The following ARSH variants were observed in gnomAD, a reference collection of about 807,000 sequenced individuals.
ARSH encodes arylsulfatase H.
Under a neutral mutation model 28.7 loss-of-function variants are expected in ARSH, and 32 were observed. That is an observed-to-expected ratio of 1.11 (90% CI 0.84 to 1.50). The LOEUF (loss-of-function observed/expected upper bound fraction) is 1.50, where lower values mean the gene tolerates loss of function less well. Among genes scored for constraint, ARSH ranks in the 40% most tolerant of loss-of-function variants. ARSH has a pLI of 0.00. For synonymous variants in ARSH, 176 were observed against 177.3 expected (o/e 0.99, Z 0.06); for missense variants, 440 against 452.4 (o/e 0.97, Z 0.25).
chrX:3,024,357 G>A (rs772832290), intron 6 of ARSH, among the ~76,000 whole-genome samples: 9 of 109,590 alleles, frequency 8.2e-5, no homozygotes, highest in Admixed American at 2.0e-4. Flanking sequence ...TTGAAGCAAC[G>A]CCAACCCCAG....
At chrX:3,013,923 C>T (rs917678321) in intron 3 of ARSH, among the ~76,000 whole-genome samples, 3 of 111,456 alleles carry the variant, frequency 2.7e-5, no homozygotes, top group Non-Finnish European at 5.6e-5. Context: ...CATTAGAGCA[C>T]GGGATTCAGA....
chrX:3,008,465 CTTTCTTTCT>C (rs1488516469), intron 1 of ARSH, among the ~76,000 whole-genome samples: 1 of 84,968 alleles, frequency 1.2e-5, no homozygotes, highest in Non-Finnish European at 2.3e-5. Context: ...TTCTTTCTTT[CTTTCTTTCT>C]TTCTTTCTTT....
chrX:3,008,054 G>A (rs1569121683), intron 1 of ARSH, among the ~76,000 whole-genome samples: 1 of 112,008 alleles, frequency 8.9e-6, no homozygotes, highest in Non-Finnish European at 1.9e-5. Flanking sequence ...AGGAATTTGG[G>A]AGGGACACAA....
chrX:3,007,933 A>G (rs906668207), intron 1 of ARSH, among the ~76,000 whole-genome samples: 1 of 111,350 alleles, frequency 9.0e-6, no homozygotes, highest in Non-Finnish European at 1.9e-5. Flanking sequence ...CCCCAGTCCT[A>G]TTGGATAAGG....
intron 5 of ARSH, among the ~76,000 whole-genome samples, chrX:3,020,011 C>T (rs1418641960): frequency 9.1e-6 from 1 of 109,362 alleles, no homozygotes; most frequent in African/African-American, 3.3e-5. Context: ...AGGGGCCAGG[C>T]GTGGTGGCTC....
rs1446765120 is a variant in ARSH at position 3,012,599 on chromosome X, A to T, written c.215-448A>T. Among the ~76,000 whole-genome samples the T allele has an allele frequency of 1.8e-3, 52 of 29,525 alleles. 7 individuals are homozygous for T. In the South Asian group the frequency reaches 0.11, roughly 62 times the overall value. 25.6% of individuals were successfully genotyped at this position (29,525 alleles called of 115,157 possible). A position where few individuals can be genotyped will look rare whatever the true frequency, so the allele number is the denominator to read the frequency against. Reference sequence around the variant, plus strand: ...TATATATATATATATATATATATATAATATATATATGTATGTGTATATACA... The same window carrying T: ...TATATATATATATATATATATATATTATATATATATGTATGTGTATATACA... On this transcript the variant is annotated intron_variant, in intron 2 of 8. Transcript: ENST00000381130.
At chrX:3,023,104 G>A (rs369703159) in intron 5 of ARSH, among the ~76,000 whole-genome samples, 1 of 102,059 alleles carries the variant, frequency 9.8e-6, no homozygotes, top group East Asian at 3.0e-4. Context: ...TTTATATATT[G>A]TATATGAACT....
At chrX:3,010,508 C>T (rs970279170) in intron 2 of ARSH, among the ~76,000 whole-genome samples, 3 of 111,401 alleles carry the variant, frequency 2.7e-5, no homozygotes, top group African/African-American at 9.8e-5. Context: ...ATCAAATCCA[C>T]CTCTGTGGAT....
chrX:3,029,922 C>G, intron 8 of ARSH, among the ~76,000 whole-genome samples: 1 of 111,199 alleles, frequency 9.0e-6, no homozygotes. Context: ...AAAATAGAGA[C>G]AAGATCTTAC....
intron 8 of ARSH, 147 bp downstream of exon 8, chrX:3,029,515 T>G: frequency 1.6e-6 from 1 of 610,000 alleles, no homozygotes. Context: ...AACAGTGCAC[T>G]GCAGTAGGAT....
In ARSH at chrX:3,014,950, C is replaced by T; in HGVS notation, c.341-20C>T. 3 of 1,197,387 alleles carry T rather than the reference C, an allele frequency of 2.5e-6. No homozygotes were observed. The highest frequency in any genetic ancestry group is 3.0e-5 in the East Asian group (1 of 33,710). ...TGAATGCTGCCATGCTGCCATGGTA[C>T]GATTTTATTTTACTTTTAGGCAAAT... On this transcript the variant is annotated intron_variant, in intron 3 of 8. Coordinates refer to ENST00000381130, the MANE Select transcript of ARSH (RefSeq NM_001011719.2).
intron 4 of ARSH, among the ~76,000 whole-genome samples, chrX:3,017,006 G>T (rs1279637670): frequency 2.7e-5 from 3 of 110,553 alleles, no homozygotes; most frequent in African/African-American, 9.9e-5. Context: ...ACTCCACCAG[G>T]CTGAAGGGTA....
At position 3,033,502 on chromosome X, in the gene ARSH, T is replaced by A; in HGVS notation, c.*117T>A. 1 of 814,361 alleles carries A rather than the reference T, an allele frequency of 1.2e-6. No individual in the cohort carries two copies. Among genetic ancestry groups the A allele is most frequent in the Non-Finnish European group, 1.7e-6 (1 of 598,315 alleles). The allele number at this position is 814,361 out of a possible 1,213,427, so 67.1% of individuals were successfully genotyped here. ...TAAAAACTGATGGCCCAACCCATTG[T>A]TTTATCCTCAGAAATCAGTTCTTTC... is the stretch of plus-strand genomic sequence containing the variant. On this transcript the variant is annotated 3_prime_UTR_variant, in exon 9 of 9. Coordinates refer to ENST00000381130, the MANE Select transcript of ARSH (RefSeq NM_001011719.2).
At chrX:3,016,255 A>T (rs776180528) in intron 4 of ARSH, among the ~76,000 whole-genome samples, 2 of 109,600 alleles carry the variant, frequency 1.8e-5, no homozygotes, top group Non-Finnish European at 3.8e-5. Flanking sequence ...CAAGTGATTC[A>T]CCCACTTTGG....
intron 5 of ARSH, among the ~76,000 whole-genome samples, chrX:3,021,836 G>A (rs187745173): frequency 5.6e-5 from 6 of 107,277 alleles, no homozygotes; most frequent in Admixed American, 3.0e-4. Context: ...CCTCAGCCTC[G>A]TGAGTAGCTG....
chrX:3,014,767 T>C (rs1180559728), intron 3 of ARSH, among the ~76,000 whole-genome samples: 1 of 111,735 alleles, frequency 8.9e-6, no homozygotes, highest in African/African-American at 3.3e-5. Context: ...GCATGGCTTT[T>C]GTCTGAAAGA....
At chrX:3,027,213 G>A (rs1471951007) in intron 6 of ARSH, 100 bp from the exon 7 acceptor site, 13 of 925,837 alleles carry the variant, frequency 1.4e-5, no homozygotes, top group Non-Finnish European at 2.0e-5. Context: ...GCCCACCTCG[G>A]CCCCCCAAAG....
In ARSH at chrX:3,006,569, C is replaced by G. The variant is rs1359358331; in HGVS notation, c.-44C>G. 1.8e-6 allele frequency: 2 copies of G among 1,093,769 alleles called. No individual in the cohort carries two copies. Among genetic ancestry groups the G allele is most frequent in the Non-Finnish European group, 2.5e-6 (2 of 795,942 alleles). 90.1% of individuals were successfully genotyped at this position (1,093,769 alleles called of 1,213,427 possible). A position where few individuals can be genotyped will look rare whatever the true frequency, so the allele number is the denominator to read the frequency against. On this transcript the variant is annotated 5_prime_UTR_variant, in exon 1 of 9. Transcript: ENST00000381130. ...AATGCTTTCAGGAGCTGCTGGCTGT[C>G]AGTGTCCCTGTGCTGTTTGTTTTGC...
At chrX:3,024,950 G>A (rs776798826) in intron 6 of ARSH, among the ~76,000 whole-genome samples, 3 of 110,941 alleles carry the variant, frequency 2.7e-5, no homozygotes, top group Admixed American at 9.8e-5. Context: ...TATCAAAATC[G>A]TCATCATTAT....
Sources: allele counts gnomAD v4.1 joint callset (sites outside exome capture counted in the v4.1 genomes callset), GRCh38; gene constraint gnomAD v4.1.1; transcripts MANE v1.5; gene names NCBI Gene and HGNC (gene_info 2026-07-23, HGNC 2026-07-21).